RADIL: variants seen among roughly 807,000 people sequenced by gnomAD.
The protein encoded by RADIL is ras-associating and dilute domain-containing protein.
In RADIL, 99 loss-of-function variants were observed where a neutral mutation model predicts 97.6. The observed-to-expected ratio is 1.01, with a 90% CI of 0.86 to 1.20. The LOEUF is 1.20. Ranked by LOEUF, RADIL falls within the 50% of genes most tolerant of loss-of-function variation. RADIL has a pLI of 0.00. For synonymous variants in RADIL, 803 were observed against 691.8 expected (o/e 1.16, Z -2.52); for missense variants, 1,765 against 1,498.9 (o/e 1.18, Z -2.93).
intron 2 of RADIL, among the ~76,000 whole-genome samples, chr7:4,841,123 TGAA>T (rs1259972764): frequency 2.6e-5 from 4 of 152,190 alleles, no homozygotes; most frequent in Admixed American, 6.5e-5. Flanking sequence ...CTGCTGTGGG[TGAA>T]GGAGACACCT....
chr7:4,804,379 G>T (rs182398658), intron 10 of RADIL, among the ~76,000 whole-genome samples: 20 of 152,382 alleles, frequency 1.3e-4, no homozygotes, highest in Non-Finnish European at 1.8e-4. Flanking sequence ...GGGGCTGCGG[G>T]GGGGCATCCA....
rs986141823 is a variant in RADIL, at chr7:4,863,750, G to A, written c.535+13855C>T. 2.6e-5 allele frequency among the ~76,000 whole-genome samples: 4 copies of A among 152,296 alleles called. No homozygotes were observed. The South Asian group carries it at 8.3e-4, about 32-fold the overall frequency. ...CTTACTCCATTTTTTCACTCAATGT[G>A]TCACCCTTTGAGGATTCCAATTGTA... On this transcript the variant is annotated intron_variant, in intron 2 of 14. Transcript: ENST00000399583.
chr7:4,843,955 AAACAGG>A (rs1783508188), intron 2 of RADIL, among the ~76,000 whole-genome samples: 1 of 151,486 alleles, frequency 6.6e-6, no homozygotes, highest in South Asian at 2.1e-4. Context: ...AACTGTGGCT[AAACAGG>A]AACATATTAG....
intron 2 of RADIL, among the ~76,000 whole-genome samples, chr7:4,869,613 A>G (rs1784208565): frequency 6.6e-6 from 1 of 151,122 alleles, no homozygotes; most frequent in African/African-American, 2.4e-5. Flanking sequence ...AGGATTTATG[A>G]TGCATGCTAT....
rs1194474922 is a variant in RADIL, at chr7:4,837,822, C to T, written c.536-1217G>A. ...CCAGCCGGCTGCGATAGATGAAAAC[C>T]GCTCACCAGTCCCCAGCTGACCCGG... On this transcript the variant is annotated intron_variant, in intron 2 of 14. Transcript: ENST00000399583. The surrounding 1 kb of genome is among the most constrained non-coding windows in gnomAD (Gnocchi z 5.6). 1.7e-5 allele frequency: 17 copies of T among 985,118 alleles called. No individual in the cohort carries two copies. The Admixed American group carries it at 3.1e-4, about 18-fold the overall frequency. 61.0% of individuals were successfully genotyped at this position (985,118 alleles called of 1,614,324 possible). A position where few individuals can be genotyped will look rare whatever the true frequency, so the allele number is the denominator to read the frequency against.
At position 4,798,263 on chromosome 7, in the gene RADIL, G is replaced by A. The variant is rs1781974685; in HGVS notation, c.*1115C>T. 1 of 152,082 alleles carries A rather than the reference G, an allele frequency of 6.6e-6. No individual in the cohort carries two copies. The highest frequency in any genetic ancestry group is 1.5e-5 in the Non-Finnish European group (1 of 68,010). The allele number at this position is 152,082 out of a possible 1,614,324, so 9.4% of individuals were successfully genotyped here. On this transcript the variant is annotated 3_prime_UTR_variant, in exon 15 of 15. Coordinates refer to ENST00000399583, the MANE Select transcript of RADIL (RefSeq NM_018059.5). ...GCAGAGGGCGCGGGGCGGACGCGCT[G>A]CACCTCGCCGTAGCGCACACCAGGG...
chr7:4,882,822 C>T (rs914137789), intron 1 of RADIL, among the ~76,000 whole-genome samples: 2 of 152,226 alleles, frequency 1.3e-5, no homozygotes, highest in Non-Finnish European at 2.9e-5. Context: ...CTGGAATGCA[C>T]AAGAGGTGGC....
At chr7:4,881,686 C>T (rs556084138) in intron 1 of RADIL, among the ~76,000 whole-genome samples, 20 of 149,660 alleles carry the variant, frequency 1.3e-4, no homozygotes, top group Non-Finnish European at 2.7e-4. Flanking sequence ...GAGATCACGC[C>T]ACTGCACTCC....
chr7:4,881,072 C>G (rs568067345), intron 1 of RADIL, among the ~76,000 whole-genome samples: 1 of 142,182 alleles, frequency 7.0e-6, no homozygotes, highest in Admixed American at 7.2e-5. Context: ...GTCACTCCAG[C>G]CTGGGCAATG....
intron 4 of RADIL, among the ~76,000 whole-genome samples, chr7:4,832,478 C>G (rs959336592): frequency 3.3e-5 from 5 of 152,154 alleles, no homozygotes; most frequent in African/African-American, 1.2e-4. Context: ...GTGGCTCACA[C>G]CTGGAATCCC....
intron 2 of RADIL, among the ~76,000 whole-genome samples, chr7:4,851,649 G>C (rs902334268): frequency 6.6e-6 from 1 of 152,184 alleles, no homozygotes; most frequent in African/African-American, 2.4e-5. Context: ...CTGAAGAGAT[G>C]GCTGAGGAGG....
At position 4,803,602 on chromosome 7, in the gene RADIL, T is replaced by A. The variant is rs1454539020; in HGVS notation, c.2443A>T (p.Ser815Cys). 1.9e-6 allele frequency: 3 copies of A among 1,548,610 alleles called. No homozygotes were observed. Among genetic ancestry groups the A allele is most frequent in the Non-Finnish European group, 2.6e-6 (3 of 1,146,630 alleles). Residue 815 changes from serine to cysteine, a missense_variant, in exon 11 of 15, where the codon AGC becomes TGC. Transcript: ENST00000399583. ...CCAGGCCTGCCAGGGCTGCCGGGGC[T>A]GGCTCTGCTCCGCAGACCCCACAGA... ...HFLWGLRSRASPGSPGRPGSG... is the reference protein window; with the variant it reads ...HFLWGLRSRACPGSPGRPGSG...
At chr7:4,866,974 CA>C (rs1784145093) in intron 2 of RADIL, among the ~76,000 whole-genome samples, 1 of 152,192 alleles carries the variant, frequency 6.6e-6, no homozygotes, top group Non-Finnish European at 1.5e-5. Flanking sequence ...GGGCACCCCT[CA>C]GGTTTCCCTC....
intron 4 of RADIL, 139 bp from the exon 5 acceptor site, chr7:4,832,317 G>T: frequency 1.2e-6 from 1 of 822,166 alleles, no homozygotes; most frequent in Non-Finnish European, 2.0e-6. Flanking sequence ...ATTTATTCAA[G>T]CTGTGCTGGA....
At chr7:4,802,730 C>T (rs62450184) in intron 11 of RADIL, among the ~76,000 whole-genome samples, 6,314 of 76,878 alleles carry the variant, frequency 0.082, 432 homozygotes, top group African/African-American at 0.11. Flanking sequence ...CCTCGGGGCA[C>T]GCTGGCTGGG....
chr7:4,800,695 G>A (rs1200227255), intron 12 of RADIL, among the ~76,000 whole-genome samples: 3 of 152,158 alleles, frequency 2.0e-5, no homozygotes, highest in East Asian at 1.9e-4. Flanking sequence ...GGTTCCCACC[G>A]CTGACCAGAC....
rs1449886431 is a variant in RADIL at position 4,819,794 on chromosome 7, GTGCC to G, written c.1616-2447_1616-2444del. Among the ~76,000 whole-genome samples, 1 of 152,166 alleles carries G rather than the reference GTGCC, an allele frequency of 6.6e-6. No homozygotes were observed. Among genetic ancestry groups the G allele is most frequent in the East Asian group, 1.9e-4 (1 of 5,172 alleles). ...GGGCTATTTCCCACTCTGTTCCCTGGTGCCTGCCTGGCCCTCGACACCCGGAGCC... is the reference window on the plus strand; with the variant it reads ...GGGCTATTTCCCACTCTGTTCCCTGGTGCCTGGCCCTCGACACCCGGAGCC... On this transcript the variant is annotated intron_variant, in intron 6 of 14. Transcript: ENST00000399583. This position sits in a 1 kb window ranked among gnomAD's most constrained non-coding sequence, Gnocchi z 5.8.
At chr7:4,804,206 G>C (rs889322362) in intron 10 of RADIL, 2 of 249,876 alleles carry the variant, frequency 8.0e-6, no homozygotes, top group Non-Finnish European at 1.6e-5. Context: ...TCTGCCCCCA[G>C]GAACAGGAGC....
In RADIL at chr7:4,797,510, G is replaced by A. The variant is rs1470977595; in HGVS notation, c.*1868C>T. The A allele has an allele frequency of 6.6e-6, 1 of 152,104 alleles. No individual in the cohort carries two copies. The highest frequency in any genetic ancestry group is 2.4e-5 in the African/African-American group (1 of 41,388). 9.4% of individuals were successfully genotyped at this position (152,104 alleles called of 1,614,324 possible). A position where few individuals can be genotyped will look rare whatever the true frequency, so the allele number is the denominator to read the frequency against. ...AATGCCTTGCCACTGTCTTTCCTCT[G>A]GCCACAGTCCACACCCCTCCCACAT... is the stretch of plus-strand genomic sequence containing the variant. On this transcript the variant is annotated 3_prime_UTR_variant, in exon 15 of 15. Transcript: ENST00000399583.
Sources: allele counts gnomAD v4.1 joint callset (sites outside exome capture counted in the v4.1 genomes callset), GRCh38; gene constraint gnomAD v4.1.1; non-coding constraint Gnocchi (gnomAD v3.1); transcripts MANE v1.5; gene names NCBI Gene and HGNC (gene_info 2026-07-23, HGNC 2026-07-21).